Variants in ANKRD27 observed in about 807,000 individuals in gnomAD.
ANKRD27 encodes the protein ankyrin repeat domain-containing protein 27.
A neutral mutation model predicts 129.7 loss-of-function variants in ANKRD27; 112 were observed. The observed-to-expected ratio is 0.86, with a 90% CI of 0.74 to 1.01. The LOEUF (loss-of-function observed/expected upper bound fraction) is 1.01. Among genes scored for constraint, ANKRD27 ranks in the 50% least tolerant of loss-of-function variants. The probability of loss-of-function intolerance (pLI) is 0.00; values close to 1 mark genes in which losing one functional copy is unlikely to be tolerated. For missense variants in ANKRD27, 1,258 were observed against 1,300.5 expected, an observed-to-expected ratio of 0.97 and a Z score of 0.50; for synonymous variants, 516 against 511.2, an observed-to-expected ratio of 1.01 and a Z score of -0.13.
intron 17 of ANKRD27, among the ~76,000 whole-genome samples, chr19:32,623,308 C>T (rs183071465): frequency 7.9e-5 from 12 of 152,264 alleles, no homozygotes; most frequent in African/African-American, 2.6e-4. Context: ...GATTAGGTGG[C>T]TCACACTGGG....
At chr19:32,669,519 G>A (rs1488216969) in intron 1 of ANKRD27, among the ~76,000 whole-genome samples, 1 of 152,166 alleles carries the variant, frequency 6.6e-6, no homozygotes, top group Non-Finnish European at 1.5e-5. Flanking sequence ...AGATGCTCTG[G>A]ATGAAAGCCA....
chr19:32,646,086 C>T (rs1017012500), intron 4 of ANKRD27, among the ~76,000 whole-genome samples: 5 of 151,814 alleles, frequency 3.3e-5, no homozygotes, highest in African/African-American at 9.7e-5. Context: ...TGCATGCCAC[C>T]ACACCTAGCT....
intron 8 of ANKRD27, 35 bp from the exon 9 acceptor site, chr19:32,643,234 C>T (rs771031538): frequency 6.2e-7 from 1 of 1,613,910 alleles, no homozygotes; most frequent in African/African-American, 1.3e-5. Flanking sequence ...TCAAATTTCT[C>T]AAAAAGCACA....
intron 1 of ANKRD27, among the ~76,000 whole-genome samples, chr19:32,662,707 A>C (rs1480216609): frequency 6.6e-6 from 1 of 151,832 alleles, no homozygotes; most frequent in Non-Finnish European, 1.5e-5. Context: ...GAAACACTGC[A>C]CTCCAGCCTA....
In ANKRD27 at chr19:32,619,012, C is replaced by T. The variant is rs1971965444; in HGVS notation, c.2007+248G>A. ...CTATCCTCTCTTTAATACACAAACG[C>T]ACTCTACCACACTAATTGCTGCTCA... On this transcript the variant is annotated intron_variant, in intron 20 of 28. Coordinates refer to ENST00000306065, the MANE Select transcript of ANKRD27 (RefSeq NM_032139.3). 2.0e-5 allele frequency among the ~76,000 whole-genome samples: 3 copies of T among 152,230 alleles called. No homozygotes were observed. In the South Asian group the frequency reaches 6.2e-4, roughly 31 times the overall value.
chr19:32,634,972 A>T (rs1967063424), intron 12 of ANKRD27, among the ~76,000 whole-genome samples: 1 of 152,168 alleles, frequency 6.6e-6, no homozygotes, highest in Non-Finnish European at 1.5e-5. Context: ...GAGAGAAGGA[A>T]CCTCTCAAAT....
chr19:32,666,963 AACC>A (rs1207114255), intron 1 of ANKRD27, among the ~76,000 whole-genome samples: 1 of 152,140 alleles, frequency 6.6e-6, no homozygotes, highest in African/African-American at 2.4e-5. Context: ...TCAGATTTCT[AACC>A]ACGTCATCCC....
At chr19:32,659,126 G>A in intron 1 of ANKRD27, 81 bp from the exon 2 acceptor site, 2 of 639,508 alleles carry the variant, frequency 3.1e-6, no homozygotes, top group African/African-American at 1.9e-5. Flanking sequence ...GATGCATCTG[G>A]CATTTTCTTT....
chr19:32,624,536 CTATCCATA>C (rs970034157), intron 17 of ANKRD27, among the ~76,000 whole-genome samples: 22 of 152,292 alleles, frequency 1.4e-4, no homozygotes, highest in African/African-American at 5.3e-4. Flanking sequence ...GTGTGTAAAT[CTATCCATA>C]TATCACTATG....
At chr19:32,636,998 T>C (rs1411184391) in intron 12 of ANKRD27, among the ~76,000 whole-genome samples, 1 of 152,182 alleles carries the variant, frequency 6.6e-6, no homozygotes, top group Non-Finnish European at 1.5e-5. Context: ...TCCACCTGCC[T>C]TGGCTTCCCA....
intron 24 of ANKRD27, among the ~76,000 whole-genome samples, chr19:32,604,657 C>A (rs1326699302): frequency 1.4e-5 from 2 of 145,406 alleles, no homozygotes; most frequent in South Asian, 2.2e-4. Flanking sequence ...ATGTACAGAG[C>A]AGAAACAGGT....
chr19:32,639,281 C>A (rs1333149036), intron 12 of ANKRD27, 75 bp downstream of exon 12: 1 of 1,579,366 alleles, frequency 6.3e-7, no homozygotes, highest in Non-Finnish European at 8.7e-7. Flanking sequence ...CGTCTGCCCA[C>A]ATACCAACCC....
intron 22 of ANKRD27, among the ~76,000 whole-genome samples, 183 bp from the exon 23 acceptor site, chr19:32,608,015 T>C (rs1971775103): frequency 6.6e-6 from 1 of 151,548 alleles, no homozygotes; most frequent in Admixed American, 6.6e-5. Context: ...CTTTTTTTTT[T>C]TTTGAGACAG....
Position 32,598,292 on chromosome 19 carries a change from C to T in ANKRD27, c.3006G>A (p.Trp1002Ter). The change falls in exon 29 of 29, where the codon TGG becomes TGA. Residue 1002 changes from tryptophan to a stop codon, truncating the protein, a stop_gained. Transcript: ENST00000306065. LOFTEE classifies it low-confidence loss of function (END_TRUNC). The stretch of plus-strand genomic sequence containing the variant: ...TCTGTGTCAGTCCAGGCCTCTCTGG[C>T]CAGTCGCTGTTGCCTTTCTCAGCAG... ...SHAAEKGNSD[W>*]PERPGLTQTG... The T allele has an allele frequency of 6.2e-7, 1 of 1,614,192 alleles. No individual in the cohort carries two copies. Among genetic ancestry groups the T allele is most frequent in the Non-Finnish European group, 8.5e-7 (1 of 1,180,038 alleles).
intron 18 of ANKRD27, among the ~76,000 whole-genome samples, chr19:32,621,190 G>A (rs1204965462): frequency 6.6e-6 from 1 of 152,170 alleles, no homozygotes; most frequent in African/African-American, 2.4e-5. Flanking sequence ...ACATCAAAAG[G>A]CAGAAAGCTG....
chr19:32,602,307 G>A (rs1015390676), intron 25 of ANKRD27, among the ~76,000 whole-genome samples, 181 bp from the exon 26 acceptor site: 3 of 151,848 alleles, frequency 2.0e-5, no homozygotes, highest in East Asian at 1.9e-4. Context: ...TGGGGAGCCC[G>A]GCTCTGCTTT....
In ANKRD27 at chr19:32,650,768, G is replaced by C. The variant is rs549955573; in HGVS notation, c.103-976C>G. On this transcript the variant is annotated intron_variant, in intron 2 of 28. Coordinates refer to ENST00000306065, the MANE Select transcript of ANKRD27 (RefSeq NM_032139.3). ...CGCTTTTATTTATTTTTTTTTTTTG[G>C]AGACAGTGTCTTGCTCTCTCACCGA... Among the ~76,000 whole-genome samples the C allele has an allele frequency of 3.5e-4, 13 of 37,230 alleles. No homozygotes were observed. In the South Asian group the frequency reaches 5.9e-3, roughly 17 times the overall value. The allele number at this position is 37,230 out of a possible 152,430, so 24.4% of individuals were successfully genotyped here. A position where few individuals can be genotyped will look rare whatever the true frequency, so the allele number is the denominator to read the frequency against.
intron 23 of ANKRD27, among the ~76,000 whole-genome samples, 193 bp from the exon 24 acceptor site, chr19:32,606,147 CTTTCTT>C (rs1568396088): frequency 8.6e-6 from 1 of 115,850 alleles, no homozygotes; most frequent in African/African-American, 3.9e-5. Flanking sequence ...TTTGGTTTTT[CTTTCTT>C]TTTTTTTTTT....
rs540428985 is a variant in ANKRD27, at chr19:32,609,631, G to A, written c.2176-1799C>T. 3.5e-4 allele frequency among the ~76,000 whole-genome samples: 51 copies of A among 145,848 alleles called. No individual in the cohort carries two copies. The South Asian group carries it at 7.5e-3, about 21-fold the overall frequency. ...TCCATGATGATGAAAAGCAGGTCAC[G>A]GGTTGCCTGGGAGAGGCGATGGGGG... On this transcript the variant is annotated intron_variant, in intron 22 of 28. Coordinates refer to ENST00000306065, the MANE Select transcript of ANKRD27 (RefSeq NM_032139.3).
Sources: allele counts gnomAD v4.1 joint callset (sites outside exome capture counted in the v4.1 genomes callset), GRCh38; gene constraint gnomAD v4.1.1; transcripts MANE v1.5; gene names NCBI Gene and HGNC (gene_info 2026-07-23, HGNC 2026-07-21).